The following SGCD variants were observed in gnomAD, a reference collection of about 807,000 sequenced individuals.
SGCD encodes delta-sarcoglycan.
Under a neutral mutation model 36.6 loss-of-function variants are expected in SGCD, and 18 were observed. The ratio of observed to expected loss-of-function variants is 0.49; its 90% confidence interval spans 0.34 to 0.73. SGCD has a LOEUF of 0.73. SGCD is among the 30% of genes least tolerant of loss of function. The pLI is 0.01. For missense variants in SGCD, 387 were observed against 346.7 expected, an observed-to-expected ratio of 1.12 and a Z score of -0.92; for synonymous variants, 133 against 130.6, an observed-to-expected ratio of 1.02 and a Z score of -0.12.
intron 7 of SGCD, among the ~76,000 whole-genome samples, chr5:156,734,930 T>TTGAG (rs1756271232): frequency 6.6e-6 from 1 of 152,238 alleles, no homozygotes; most frequent in Non-Finnish European, 1.5e-5. Flanking sequence ...CTTTAGCTTT[T>TTGAG]TGAGTTTTCA....
chr5:156,311,262 T>C lies in SGCD; in HGVS notation c.-43-18272T>C, dbSNP rs577686199. ...CTGTCTTAAAATCTGTCATTTCATATGAAGTTTTGCAATCCTAGCCATAGA... is the reference window on the plus strand; with the variant it reads ...CTGTCTTAAAATCTGTCATTTCATACGAAGTTTTGCAATCCTAGCCATAGA... On this transcript the variant is annotated intron_variant, in intron 3 of 9. Transcript: ENST00000517913. Among the ~76,000 whole-genome samples the C allele has an allele frequency of 2.6e-5, 4 of 152,284 alleles. 1 individual carries two copies. Among genetic ancestry groups the C allele is most frequent in the African/African-American group, 9.6e-5 (4 of 41,570 alleles).
At chr5:155,786,558 A>C in the SGCD span, among the ~76,000 whole-genome samples, 3 of 152,164 alleles carry the variant, frequency 2.0e-5, no homozygotes, top group Non-Finnish European at 4.4e-5. Context: ...GGAACATTTT[A>C]CTAAAGGGAA....
At chr5:155,776,192 A>G in the SGCD span, among the ~76,000 whole-genome samples, 1 of 152,226 alleles carries the variant, frequency 6.6e-6, no homozygotes, top group Non-Finnish European at 1.5e-5. Flanking sequence ...AATGATAGAG[A>G]CCCAGGAATA....
intron 7 of SGCD, among the ~76,000 whole-genome samples, chr5:156,749,359 C>T (rs1376448200): frequency 1.3e-5 from 2 of 152,024 alleles, no homozygotes; most frequent in African/African-American, 4.8e-5. Context: ...CAAAAATTAA[C>T]AAAACAGCAC....
chr5:155,961,601 G>A (rs1309416785), intron 1 of SGCD, among the ~76,000 whole-genome samples: 3 of 152,190 alleles, frequency 2.0e-5, no homozygotes, highest in Admixed American at 2.0e-4. Context: ...GCTGTGTGTT[G>A]CCGTCCTACC....
At chr5:156,229,300 A>ATGTGTGTAT (rs1477607808) in intron 3 of SGCD, among the ~76,000 whole-genome samples, 1 of 126,180 alleles carries the variant, frequency 7.9e-6, no homozygotes, top group African/African-American at 3.0e-5. Context: ...ATATATATAT[A>ATGTGTGTAT]AAATTAGTTC....
intron 3 of SGCD, among the ~76,000 whole-genome samples, chr5:156,232,172 C>T (rs1194536179): frequency 6.6e-6 from 1 of 152,178 alleles, no homozygotes; most frequent in South Asian, 2.1e-4. Flanking sequence ...TCTTTAAAAC[C>T]TCCATAGGCC....
intron 7 of SGCD, among the ~76,000 whole-genome samples, chr5:156,700,044 G>C (rs1177534642): frequency 6.6e-6 from 1 of 152,164 alleles, no homozygotes; most frequent in Non-Finnish European, 1.5e-5. Flanking sequence ...GTGGAGGGTG[G>C]TCTTGACTAT....
intron 1 of SGCD, among the ~76,000 whole-genome samples, chr5:156,009,241 A>AT (rs1218290353): frequency 2.0e-5 from 3 of 152,214 alleles, no homozygotes; most frequent in Admixed American, 1.3e-4. Flanking sequence ...ATGTTTATGG[A>AT]TTTTTTCTCA....
chr5:156,000,705 T>G (rs979532259), intron 1 of SGCD, among the ~76,000 whole-genome samples: 2 of 152,092 alleles, frequency 1.3e-5, no homozygotes, highest in South Asian at 4.1e-4. Flanking sequence ...ACCCTAGGGT[T>G]CTGCCTTTAG....
At chr5:156,605,138 G>T (rs188547010) in intron 6 of SGCD, among the ~76,000 whole-genome samples, 18 of 152,086 alleles carry the variant, frequency 1.2e-4, no homozygotes, top group African/African-American at 3.4e-4. Flanking sequence ...CCATGTTGGT[G>T]TGCTGCACCC....
At chr5:156,513,380 C>A (rs951173696) in intron 4 of SGCD, among the ~76,000 whole-genome samples, 18 of 152,188 alleles carry the variant, frequency 1.2e-4, no homozygotes, top group Non-Finnish European at 2.1e-4. Flanking sequence ...ACTTTGTTAT[C>A]TTCAGCTTAC....
chr5:156,679,158 A>C (rs1753627957), intron 7 of SGCD, among the ~76,000 whole-genome samples: 1 of 152,144 alleles, frequency 6.6e-6, no homozygotes, highest in African/African-American at 2.4e-5. Context: ...GATTGATGCA[A>C]AATGCTTTTG....
chr5:156,352,425 G>A lies in SGCD; in HGVS notation c.192+7748G>A, dbSNP rs188874411. On this transcript the variant is annotated intron_variant, in intron 3 of 8. Transcript: ENST00000337851. ...GGATTATTCTCTATACATTTTTGTA[G>A]CCCTGCTCAATGCCTGCTATTCAGT... Among the ~76,000 whole-genome samples, 286 of 152,278 alleles carry A rather than the reference G, an allele frequency of 1.9e-3. 4 individuals carry two copies. In the South Asian group the frequency reaches 0.031, roughly 16 times the overall value.
chr5:156,381,789 C>T (rs1038914129), intron 3 of SGCD, among the ~76,000 whole-genome samples: 1 of 152,060 alleles, frequency 6.6e-6, no homozygotes, highest in African/African-American at 2.4e-5. Context: ...TAGGGACAGT[C>T]CGCTCAAAGC....
chr5:156,309,525 A>AT (rs1767330279), intron 3 of SGCD, among the ~76,000 whole-genome samples: 1 of 149,898 alleles, frequency 6.7e-6, no homozygotes, highest in South Asian at 2.1e-4. Context: ...AGTTTTCTGT[A>AT]TTTTTATTAA....
chr5:156,723,972 T>G (rs868682561), intron 7 of SGCD, among the ~76,000 whole-genome samples: 1 of 151,890 alleles, frequency 6.6e-6, no homozygotes, highest in African/African-American at 2.4e-5. Context: ...ACGGTGAAAA[T>G]AGAGTTAGGA....
intron 1 of SGCD, among the ~76,000 whole-genome samples, chr5:156,024,662 A>G (rs10037831): frequency 0.12 from 19,005 of 152,098 alleles, 1,288 homozygotes; most frequent in Middle Eastern, 0.16. Context: ...TTTTTCTGTG[A>G]TATTTATTTT....
chr5:155,908,896 T>G (rs1200610267), intron 1 of SGCD, among the ~76,000 whole-genome samples: 6 of 152,136 alleles, frequency 3.9e-5, no homozygotes, highest in Non-Finnish European at 8.8e-5. Context: ...CCATAGTAGG[T>G]GCTCAATGAA....
Sources: allele counts gnomAD v4.1 joint callset (sites outside exome capture counted in the v4.1 genomes callset), GRCh38; gene constraint gnomAD v4.1.1; transcripts MANE v1.5; gene names NCBI Gene and HGNC (gene_info 2026-07-23, HGNC 2026-07-21).